The following GSE1 variants were observed in gnomAD, a reference collection of about 807,000 sequenced individuals.
GSE1 encodes Gse1 coiled-coil protein.
In GSE1, 32 loss-of-function variants were observed where a neutral mutation model predicts 112.6. The ratio of observed to expected loss-of-function variants is 0.28; its 90% CI spans 0.21 to 0.38. The LOEUF is 0.38. Ranked by LOEUF, GSE1 falls within the 10% of genes least tolerant of loss-of-function variation. GSE1 has a pLI of 1.00. For synonymous variants in GSE1, 1,115 were observed against 735.6 expected, an observed-to-expected ratio of 1.52 and a Z score of -8.35; for missense variants, 2,348 against 1,699.2, an observed-to-expected ratio of 1.38 and a Z score of -6.71.
intron 2 of GSE1, among the ~76,000 whole-genome samples, chr16:85,382,230 C>T (rs1209764557): frequency 2.0e-5 from 3 of 152,196 alleles, no homozygotes; most frequent in South Asian, 2.1e-4. Flanking sequence ...CCTGATCTCC[C>T]GTCCTGGTCA....
At chr16:85,211,593 A>T (rs1238050196) in intron 1 of GSE1, among the ~76,000 whole-genome samples, 2 of 152,198 alleles carry the variant, frequency 1.3e-5, no homozygotes, top group Non-Finnish European at 2.9e-5. Context: ...CCTGGCGTGC[A>T]AGCCCTTTGC....
intron 3 of GSE1, among the ~76,000 whole-genome samples, chr16:85,650,878 C>T (rs565824109): frequency 6.6e-6 from 1 of 152,034 alleles, no homozygotes; most frequent in East Asian, 2.0e-4. Context: ...CTTCTCGGCC[C>T]CTTCTCGGGG....
rs2046360700 is a variant in GSE1, at chr16:85,331,553, A to ATC, written c.2284-25909_2284-25908insCT. ...TGTATATGTGTATATGTGTGTATAT[A>ATC]TGTGTATATGTGTATATATGTGTAC... On this transcript the variant is annotated intron_variant, in intron 1 of 2. Coordinates refer to the GSE1 transcript ENST00000637419. Among the ~76,000 whole-genome samples the ATC allele has an allele frequency of 2.3e-5, 2 of 86,404 alleles. 1 individual carries two copies. Among genetic ancestry groups the ATC allele is most frequent in the African/African-American group, 1.1e-4 (2 of 18,390 alleles). The allele number at this position is 86,404 out of a possible 152,430, so 56.7% of individuals were successfully genotyped here.
chr16:85,403,801 C>T (rs1005229938), intron 2 of GSE1, among the ~76,000 whole-genome samples: 2 of 151,996 alleles, frequency 1.3e-5, no homozygotes, highest in Non-Finnish European at 2.9e-5. Flanking sequence ...GACCCTGTCT[C>T]AAAACAACAA....
chr16:85,575,763 A>G (rs1490096114), intron 1 of GSE1, among the ~76,000 whole-genome samples: 1 of 152,214 alleles, frequency 6.6e-6, no homozygotes, highest in Non-Finnish European at 1.5e-5. Flanking sequence ...TAGTATAATT[A>G]GGTGATTATC....
chr16:85,203,220 G>A (rs1326349759), intron 1 of GSE1, among the ~76,000 whole-genome samples: 1 of 152,112 alleles, frequency 6.6e-6, no homozygotes, highest in African/African-American at 2.4e-5. Context: ...TCCTCAGCAT[G>A]CGTTTGCGAT....
intron 2 of GSE1, among the ~76,000 whole-genome samples, chr16:85,635,430 T>C (rs1057304498): frequency 3.3e-5 from 5 of 152,128 alleles, no homozygotes; most frequent in African/African-American, 4.8e-5. Context: ...GCCCCACCTG[T>C]GTCAAGAGGC....
chr16:85,282,015 T>G (rs2151424435), intron 1 of GSE1, among the ~76,000 whole-genome samples: 1 of 151,824 alleles, frequency 6.6e-6, no homozygotes, highest in African/African-American at 2.4e-5. Context: ...TCCTGTGAGT[T>G]GCTATGTTTT....
At chr16:85,619,436 C>T (rs560680823) in intron 1 of GSE1, among the ~76,000 whole-genome samples, 10 of 151,948 alleles carry the variant, frequency 6.6e-5, no homozygotes, top group South Asian at 4.2e-4. Context: ...GGGGGTGGGG[C>T]GCAGCCTTAA....
chr16:85,376,151 C>T (rs752337128), intron 2 of GSE1, among the ~76,000 whole-genome samples: 17 of 152,326 alleles, frequency 1.1e-4, no homozygotes, highest in Non-Finnish European at 2.2e-4. Context: ...TTTTCATCCC[C>T]AGCCCAAACA....
intron 1 of GSE1, among the ~76,000 whole-genome samples, chr16:85,235,428 C>CTGTGTGTGTGTGTGTG (rs60860144): frequency 4.0e-5 from 5 of 126,318 alleles, no homozygotes; most frequent in African/African-American, 6.2e-5. Flanking sequence ...TGGAAGGGTA[C>CTGTGTGTGTGTGTGTG]TGTGTGTGTG....
intron 2 of GSE1, among the ~76,000 whole-genome samples, chr16:85,435,622 G>T (rs1328388573): frequency 8.1e-5 from 11 of 135,760 alleles, no homozygotes; most frequent in Admixed American, 8.0e-4. Flanking sequence ...TGGGTTTTGA[G>T]GGGGGATCTG....
At chr16:85,490,018 G>C (rs1234958776) in intron 2 of GSE1, 1 of 152,288 alleles carries the variant, frequency 6.6e-6, no homozygotes, top group South Asian at 2.1e-4. Flanking sequence ...GCCCACCCCT[G>C]GATTTCAGAC....
chr16:85,501,862 C>T (rs1015165594), intron 2 of GSE1, among the ~76,000 whole-genome samples: 23 of 152,246 alleles, frequency 1.5e-4, no homozygotes, highest in African/African-American at 5.5e-4. Flanking sequence ...CATTCTACAA[C>T]AGTTGCAGAC....
chr16:85,443,530 T>C (rs953091009), intron 2 of GSE1, among the ~76,000 whole-genome samples: 17 of 152,248 alleles, frequency 1.1e-4, no homozygotes, highest in African/African-American at 4.1e-4. Flanking sequence ...ATATAAGCGT[T>C]AACTGTTATT....
intron 2 of GSE1, among the ~76,000 whole-genome samples, chr16:85,434,342 A>C (rs74034722): frequency 0.15 from 18,381 of 126,128 alleles, 1,240 homozygotes; most frequent in Middle Eastern, 0.26. Context: ...TAATAATAAT[A>C]ATAATCAGTG....
Position 85,246,497 on chromosome 16 carries a change from CACA to C in GSE1, c.2283+74691_2283+74693del, listed in dbSNP as rs1311302596. Among the ~76,000 whole-genome samples, 109 of 81,700 alleles carry C rather than the reference CACA, an allele frequency of 1.3e-3. 7 individuals are homozygous for C. Among genetic ancestry groups the C allele is most frequent in the Non-Finnish European group, 2.2e-3 (80 of 36,124 alleles). 53.6% of individuals were successfully genotyped at this position (81,700 alleles called of 152,430 possible). ...CACACACACACACACACACACTCTA[CACA>C]CCCCCCCCCCCCCGACGCTGTCTGC... On this transcript the variant is annotated intron_variant, in intron 1 of 2. Transcript: ENST00000637419.
At chr16:85,409,168 A>C (rs576948163) in intron 2 of GSE1, among the ~76,000 whole-genome samples, 1 of 19,748 alleles carries the variant, frequency 5.1e-5, no homozygotes, top group Non-Finnish European at 8.7e-5. Context: ...CCTCACCGTT[A>C]CTCTCAGGCG....
chr16:85,221,665 C>T (rs1025140208), intron 1 of GSE1, among the ~76,000 whole-genome samples: 6 of 152,210 alleles, frequency 3.9e-5, no homozygotes, highest in Non-Finnish European at 7.3e-5. Context: ...GTCTCGGCCC[C>T]GGCTTCCTAA....
Sources: allele counts gnomAD v4.1 joint callset (sites outside exome capture counted in the v4.1 genomes callset), GRCh38; gene constraint gnomAD v4.1.1; transcripts MANE v1.5; gene names NCBI Gene and HGNC (gene_info 2026-07-23, HGNC 2026-07-21).